The following CLVS1 variants were observed in gnomAD, a reference collection of about 807,000 sequenced individuals.
The protein encoded by CLVS1 is clavesin 1, also known as clavesin-1.
Under a neutral mutation model 33.1 loss-of-function variants are expected in CLVS1, and 10 were observed. The ratio of observed to expected loss-of-function variants is 0.30; its 90% CI spans 0.19 to 0.51. The LOEUF (loss-of-function observed/expected upper bound fraction) is 0.51, where lower values mean the gene tolerates loss of function less well. Ranked by LOEUF, CLVS1 falls within the 20% of genes least tolerant of loss-of-function variation. The pLI is 0.97. For missense variants in CLVS1, 343 were observed against 433.4 expected (o/e 0.79, Z 1.85); for synonymous variants, 163 against 166.1 (o/e 0.98, Z 0.14).
chr8:61,395,976 G>A (rs1252237401), intron 3 of CLVS1, among the ~76,000 whole-genome samples: 1 of 152,082 alleles, frequency 6.6e-6, no homozygotes, highest in African/African-American at 2.4e-5. Context: ...TCCCACACTT[G>A]TCAGTTATTT....
intron 2 of CLVS1, among the ~76,000 whole-genome samples, chr8:61,376,219 AAAC>A (rs1210230355): frequency 6.6e-6 from 1 of 152,166 alleles, no homozygotes; most frequent in Non-Finnish European, 1.5e-5. Context: ...TGTACTGGGG[AAAC>A]AACTATGATT....
chr8:61,468,442 G>A (rs1266009581), intron 5 of CLVS1, among the ~76,000 whole-genome samples: 2 of 152,068 alleles, frequency 1.3e-5, no homozygotes, highest in Admixed American at 1.3e-4. Flanking sequence ...AAGCTGCATC[G>A]CCAAACATAT....
the CLVS1 span, among the ~76,000 whole-genome samples, chr8:61,026,805 A>T: frequency 6.6e-6 from 1 of 152,164 alleles, no homozygotes; most frequent in Non-Finnish European, 1.5e-5. Context: ...CCTTAACATG[A>T]TTTGGAACAG....
intron 1 of CLVS1, among the ~76,000 whole-genome samples, chr8:61,078,791 C>A (rs1233245670): frequency 6.6e-6 from 1 of 151,888 alleles, no homozygotes; most frequent in African/African-American, 2.4e-5. Flanking sequence ...ATGATGTTTC[C>A]CTAATCATTT....
chr8:61,160,701 T>C (rs1806735170), intron 2 of CLVS1, among the ~76,000 whole-genome samples: 1 of 152,208 alleles, frequency 6.6e-6, no homozygotes, highest in African/African-American at 2.4e-5. Context: ...CATTTACTTT[T>C]CAGCAGGGAT....
chr8:61,386,021 A>G (rs1379541384), intron 3 of CLVS1, among the ~76,000 whole-genome samples: 1 of 152,206 alleles, frequency 6.6e-6, no homozygotes, highest in Non-Finnish European at 1.5e-5. Context: ...GGAAATTGGA[A>G]AGTTGGTTAT....
At chr8:61,420,140 T>C (rs754841999) in intron 3 of CLVS1, among the ~76,000 whole-genome samples, 5 of 152,176 alleles carry the variant, frequency 3.3e-5, no homozygotes, top group African/African-American at 7.2e-5. Context: ...ACTCCAAAGT[T>C]TGTAGGTCTT....
chr8:61,019,764 C>T, the CLVS1 span, among the ~76,000 whole-genome samples: 1 of 151,936 alleles, frequency 6.6e-6, no homozygotes, highest in East Asian at 1.9e-4. Context: ...CTTTTGGGAC[C>T]CTCTCTAAGG....
At chr8:60,969,621 T>C in the CLVS1 span, among the ~76,000 whole-genome samples, 1 of 152,164 alleles carries the variant, frequency 6.6e-6, no homozygotes, top group Non-Finnish European at 1.5e-5. Flanking sequence ...GGGGGTCAGT[T>C]CAGTCAGTTG....
rs16927148 is a variant in CLVS1, at chr8:61,289,826, T to C, written c.-152+1688T>C. Among the ~76,000 whole-genome samples, 686 of 152,332 alleles carry C rather than the reference T, an allele frequency of 4.5e-3. 10 individuals carry two copies. Among genetic ancestry groups the C allele is most frequent in the African/African-American group, 0.016 (658 of 41,574 alleles). On this transcript the variant is annotated intron_variant, in intron 1 of 5. Transcript: ENST00000325897. ...AAGTCTCTTTGAGAATGAGAAATAG[T>C]CGCATTGTGTCAAAAGTTAATTACT...
At chr8:61,261,054 G>A (rs968748820) in intron 2 of CLVS1, among the ~76,000 whole-genome samples, 2 of 152,166 alleles carry the variant, frequency 1.3e-5, no homozygotes. Context: ...TGATAATATT[G>A]TAAAAGTTAG....
intron 1 of CLVS1, among the ~76,000 whole-genome samples, chr8:61,084,415 C>T (rs528098174): frequency 6.6e-6 from 1 of 152,240 alleles, no homozygotes; most frequent in East Asian, 1.9e-4. Context: ...TGTCCTCTTT[C>T]CCCTTCAGAA....
intron 3 of CLVS1, among the ~76,000 whole-genome samples, chr8:61,392,821 T>G (rs545998776): frequency 1.3e-5 from 2 of 150,646 alleles, no homozygotes; most frequent in East Asian, 3.9e-4. Context: ...CCAGCCTGGG[T>G]GACAGAGCAA....
At chr8:61,484,573 C>T (rs1285761399) in intron 5 of CLVS1, among the ~76,000 whole-genome samples, 1 of 152,188 alleles carries the variant, frequency 6.6e-6, no homozygotes, top group Non-Finnish European at 1.5e-5. Context: ...TGACTTTCTT[C>T]ACAGAATTGG....
chr8:61,390,290 C>T (rs111436693), intron 3 of CLVS1, among the ~76,000 whole-genome samples: 3,153 of 152,288 alleles, frequency 0.021, 90 homozygotes, highest in African/African-American at 0.071. Flanking sequence ...TTGTTTACAA[C>T]GACTACATCA....
Position 61,297,412 on chromosome 8 carries a change from A to G in CLVS1, c.-151-2265A>G, listed in dbSNP as rs943884090. Reference sequence around the variant, plus strand: ...ATGGAAATAACTGGGAAAGTTTGAAAAATATTATGGAAGTGATTGCCTGAT... The same window carrying G: ...ATGGAAATAACTGGGAAAGTTTGAAGAATATTATGGAAGTGATTGCCTGAT... On this transcript the variant is annotated intron_variant, in intron 1 of 5. Coordinates refer to ENST00000325897, the MANE Select transcript of CLVS1 (RefSeq NM_173519.3). Among the ~76,000 whole-genome samples, 5 of 152,152 alleles carry G rather than the reference A, an allele frequency of 3.3e-5. 1 individual carries two copies. The highest frequency in any genetic ancestry group is 1.2e-4 in the African/African-American group (5 of 41,444).
At chr8:61,076,036 A>C (rs1029460787) in intron 1 of CLVS1, among the ~76,000 whole-genome samples, 1 of 152,250 alleles carries the variant, frequency 6.6e-6, no homozygotes, top group Non-Finnish European at 1.5e-5. Flanking sequence ...ATCTATGTAT[A>C]AACTCATCAT....
the CLVS1 span, among the ~76,000 whole-genome samples, chr8:60,969,522 A>G: frequency 1.3e-5 from 2 of 152,160 alleles, no homozygotes; most frequent in Non-Finnish European, 1.5e-5. Flanking sequence ...TAAACCGTAA[A>G]AGAAAGGGGT....
At chr8:61,463,998 G>A (rs1418513918) in intron 5 of CLVS1, among the ~76,000 whole-genome samples, 1 of 151,060 alleles carries the variant, frequency 6.6e-6, no homozygotes, top group Non-Finnish European at 1.5e-5. Flanking sequence ...GCTTGAACCT[G>A]GGCGGGTGGA....
Sources: allele counts gnomAD v4.1 joint callset (sites outside exome capture counted in the v4.1 genomes callset), GRCh38; gene constraint gnomAD v4.1.1; transcripts MANE v1.5; gene names NCBI Gene and HGNC (gene_info 2026-07-23, HGNC 2026-07-21).